The following NR6A1 variants were observed in gnomAD, a reference collection of about 807,000 sequenced individuals.
The protein encoded by NR6A1 is nuclear receptor subfamily 6 group A member 1.
Under a neutral mutation model 59.1 loss-of-function variants are expected in NR6A1, and 7 were observed. The observed-to-expected ratio is 0.12, with a 90% CI of 0.07 to 0.22. The LOEUF is 0.22. Ranked by LOEUF, NR6A1 falls within the 10% of genes least tolerant of loss-of-function variation. The pLI, the probability that NR6A1 is intolerant of heterozygous loss-of-function variation, is 1.00. For missense variants in NR6A1, 468 were observed against 611.6 expected (o/e 0.77, Z 2.48); for synonymous variants, 243 against 236.1 (o/e 1.03, Z -0.27).
rs1369318485 is a variant in NR6A1 at position 124,771,253 on chromosome 9, C to T, written c.-134G>A. ...CTCCCGGCCGCGGCTCTCTCTGGGCCCCGAGCCGCCCGGCTCCGCGCCGCT... is the reference window on the plus strand; with the variant it reads ...CTCCCGGCCGCGGCTCTCTCTGGGCTCCGAGCCGCCCGGCTCCGCGCCGCT... On this transcript the variant is annotated 5_prime_UTR_variant, in exon 1 of 10. Transcript: ENST00000487099. 6.8e-6 allele frequency: 3 copies of T among 438,262 alleles called. No individual in the cohort carries two copies. Among genetic ancestry groups the T allele is most frequent in the Non-Finnish European group, 7.6e-6 (2 of 263,826 alleles). The allele number at this position is 438,262 out of a possible 1,614,324, so 27.1% of individuals were successfully genotyped here.
At chr9:124,551,630 TC>T (rs1833779973) in intron 3 of NR6A1, among the ~76,000 whole-genome samples, 1 of 152,232 alleles carries the variant, frequency 6.6e-6, no homozygotes, top group South Asian at 2.1e-4. Flanking sequence ...TCCTTTTTTC[TC>T]CAACCCCTTA....
intron 1 of NR6A1, among the ~76,000 whole-genome samples, chr9:124,740,793 G>A (rs1226552008): frequency 2.0e-5 from 3 of 152,024 alleles, no homozygotes; most frequent in Non-Finnish European, 4.4e-5. Flanking sequence ...CTTGTCTCCC[G>A]TGATCATGAT....
chr9:124,735,170 G>C (rs1839988412), intron 1 of NR6A1, among the ~76,000 whole-genome samples: 2 of 152,226 alleles, frequency 1.3e-5, no homozygotes, highest in South Asian at 4.1e-4. Context: ...GCAATTCTGG[G>C]CTGTTCTGAC....
chr9:124,761,275 G>C (rs564136189), intron 1 of NR6A1, among the ~76,000 whole-genome samples: 1 of 152,264 alleles, frequency 6.6e-6, no homozygotes, highest in East Asian at 1.9e-4. Context: ...GAAACTCCAA[G>C]AATATCAAGA....
chr9:124,700,393 ATTTT>A (rs199555054), intron 2 of NR6A1, among the ~76,000 whole-genome samples: 10 of 150,608 alleles, frequency 6.6e-5, no homozygotes, highest in Admixed American at 5.3e-4. Flanking sequence ...TTTAATTTTT[ATTTT>A]TTTAGTAAAG....
chr9:124,690,967 T>C (rs896458169), intron 2 of NR6A1, among the ~76,000 whole-genome samples: 6 of 152,344 alleles, frequency 3.9e-5, no homozygotes, highest in African/African-American at 1.4e-4. Flanking sequence ...GCATTCTTTT[T>C]AGAATGCTAT....
chr9:124,760,634 G>C (rs182889315), intron 1 of NR6A1, among the ~76,000 whole-genome samples: 2 of 152,316 alleles, frequency 1.3e-5, no homozygotes, highest in East Asian at 3.9e-4. Flanking sequence ...GCGAAATCTG[G>C]AGGTTTAAAC....
intron 8 of NR6A1, among the ~76,000 whole-genome samples, chr9:124,525,677 ATC>A (rs71980445): frequency 5.6e-4 from 83 of 148,676 alleles, no homozygotes; most frequent in Non-Finnish European, 6.4e-4. Flanking sequence ...TTCTAAATAG[ATC>A]TCTCTCTCTC....
intron 1 of NR6A1, among the ~76,000 whole-genome samples, chr9:124,755,392 T>C (rs1302663120): frequency 6.6e-6 from 1 of 152,192 alleles, no homozygotes; most frequent in Non-Finnish European, 1.5e-5. Context: ...ATTTCATTAT[T>C]GTGATCTAAG....
chr9:124,590,501 C>T (rs936207735), intron 2 of NR6A1, among the ~76,000 whole-genome samples: 1 of 152,190 alleles, frequency 6.6e-6, no homozygotes, highest in Non-Finnish European at 1.5e-5. Context: ...AACATTAAAA[C>T]TATTTTTCCT....
chr9:124,686,679 A>G (rs1332620613), intron 2 of NR6A1, among the ~76,000 whole-genome samples: 1 of 151,782 alleles, frequency 6.6e-6, no homozygotes, highest in East Asian at 1.9e-4. Flanking sequence ...AAGGGGATGG[A>G]GAAATCATGT....
chr9:124,566,904 A>T (rs527476262), intron 2 of NR6A1, among the ~76,000 whole-genome samples: 16 of 152,140 alleles, frequency 1.1e-4, no homozygotes, highest in African/African-American at 2.2e-4. Context: ...GTCAGGAGAT[A>T]GAGACCATCC....
At chr9:124,717,196 T>C (rs929670385) in intron 2 of NR6A1, among the ~76,000 whole-genome samples, 1 of 152,208 alleles carries the variant, frequency 6.6e-6, no homozygotes, top group African/African-American at 2.4e-5. Flanking sequence ...GGAAATTTCA[T>C]AAAAAGTTTA....
At chr9:124,582,974 C>A (rs528713722) in intron 2 of NR6A1, among the ~76,000 whole-genome samples, 10 of 152,218 alleles carry the variant, frequency 6.6e-5, no homozygotes, top group South Asian at 6.2e-4. Context: ...CCCTTCCCCC[C>A]CAAAGCACTC....
At chr9:124,710,428 G>A (rs1839243406) in intron 2 of NR6A1, among the ~76,000 whole-genome samples, 2 of 152,066 alleles carry the variant, frequency 1.3e-5, no homozygotes, top group Non-Finnish European at 1.5e-5. Flanking sequence ...CAATGTTGAG[G>A]TTTTGCTTTA....
intron 2 of NR6A1, among the ~76,000 whole-genome samples, chr9:124,560,542 ATAGT>A (rs550993414): frequency 1.3e-5 from 2 of 152,210 alleles, no homozygotes; most frequent in African/African-American, 2.4e-5. Context: ...CATCCTGGAA[ATAGT>A]TATTCAATTG....
chr9:124,642,596 C>T (rs1157847230), intron 2 of NR6A1, among the ~76,000 whole-genome samples: 6 of 152,080 alleles, frequency 3.9e-5, no homozygotes, highest in African/African-American at 1.4e-4. Context: ...GTCGTGACAA[C>T]CAAAAAATGT....
chr9:124,727,635 C>T (rs927155332), intron 2 of NR6A1, among the ~76,000 whole-genome samples: 8 of 152,110 alleles, frequency 5.3e-5, no homozygotes, highest in Admixed American at 1.3e-4. Context: ...GCTTAAAATT[C>T]GCTTTCTTAA....
At chr9:124,707,600 A>T (rs1302372417) in intron 2 of NR6A1, among the ~76,000 whole-genome samples, 2 of 152,140 alleles carry the variant, frequency 1.3e-5, no homozygotes, top group African/African-American at 4.8e-5. Flanking sequence ...TAAACATTTA[A>T]AACAATGTGC....
Sources: gnomAD v4.1 joint callset for allele counts (sites outside exome capture counted in the v4.1 genomes callset) on GRCh38, gnomAD v4.1.1 for gene constraint, MANE v1.5 for transcripts, NCBI Gene and HGNC (gene_info 2026-07-23, HGNC 2026-07-21) for gene names.